Variants in PTPRM observed in about 807,000 individuals in gnomAD.
PTPRM encodes the protein receptor-type tyrosine-protein phosphatase mu.
A neutral mutation model predicts 186.7 loss-of-function variants in PTPRM; 47 were observed. That is an observed-to-expected ratio of 0.25 (90% CI 0.20 to 0.32). The LOEUF is 0.32. PTPRM is among the 10% of genes least tolerant of loss of function. The pLI is 1.00. For missense variants in PTPRM, 1,494 were observed against 1,865.0 expected, an observed-to-expected ratio of 0.80 and a Z score of 3.66; for synonymous variants, 668 against 674.9, an observed-to-expected ratio of 0.99 and a Z score of 0.16.
intron 14 of PTPRM, among the ~76,000 whole-genome samples, chr18:8,221,127 A>G (rs1228460100): frequency 6.6e-6 from 1 of 152,108 alleles, no homozygotes; most frequent in Admixed American, 6.5e-5. Context: ...TTATTTTGCA[A>G]ATATGATTGG....
chr18:8,048,216 A>G (rs539342123), intron 7 of PTPRM, among the ~76,000 whole-genome samples: 43 of 152,202 alleles, frequency 2.8e-4, no homozygotes, highest in Non-Finnish European at 5.7e-4. Context: ...AAATGGAACA[A>G]ATTTGGTAGC....
chr18:8,164,360 AG>A (rs919230596), intron 14 of PTPRM, among the ~76,000 whole-genome samples: 6 of 152,272 alleles, frequency 3.9e-5, no homozygotes, highest in African/African-American at 1.4e-4. Flanking sequence ...TATGTCCAAA[AG>A]AAATGAAAAC....
intron 7 of PTPRM, among the ~76,000 whole-genome samples, chr18:8,011,443 C>T (rs903474120): frequency 1.3e-5 from 2 of 152,148 alleles, no homozygotes; most frequent in Non-Finnish European, 2.9e-5. Context: ...AGGTTTCACT[C>T]TTCATGGTTT....
chr18:7,647,736 T>A (rs1038419896), intron 1 of PTPRM, among the ~76,000 whole-genome samples: 1 of 152,162 alleles, frequency 6.6e-6, no homozygotes, highest in Non-Finnish European at 1.5e-5. Flanking sequence ...GTTGACTTGG[T>A]CATGTAGATC....
chr18:7,768,999 C>G (rs2042148838), intron 1 of PTPRM, among the ~76,000 whole-genome samples: 1 of 151,902 alleles, frequency 6.6e-6, no homozygotes, highest in South Asian at 2.1e-4. Context: ...GCACTGGGCT[C>G]CCACCAAATC....
intron 1 of PTPRM, among the ~76,000 whole-genome samples, chr18:7,643,838 C>G (rs2038500447): frequency 6.6e-6 from 1 of 152,020 alleles, no homozygotes; most frequent in African/African-American, 2.4e-5. Context: ...GACCATTGTG[C>G]TTTTACATAT....
chr18:7,988,144 T>A (rs1259857042), intron 7 of PTPRM, among the ~76,000 whole-genome samples: 1 of 152,088 alleles, frequency 6.6e-6, no homozygotes, highest in Non-Finnish European at 1.5e-5. Context: ...GTGATCATGC[T>A]ACTGCACTCC....
At chr18:7,688,441 G>A (rs4127387) in intron 1 of PTPRM, among the ~76,000 whole-genome samples, 38,422 of 152,084 alleles carry the variant, frequency 0.25, 5,014 homozygotes, top group African/African-American at 0.32. Flanking sequence ...AAGCTGCTCA[G>A]ACATCTGAAG....
chr18:7,660,897 G>A (rs773175286), intron 1 of PTPRM, among the ~76,000 whole-genome samples: 1 of 152,026 alleles, frequency 6.6e-6, no homozygotes, highest in Non-Finnish European at 1.5e-5. Context: ...CTTGAACCTG[G>A]GAGATGGAGG....
At chr18:7,771,525 G>A (rs1047156147) in intron 1 of PTPRM, among the ~76,000 whole-genome samples, 3 of 152,176 alleles carry the variant, frequency 2.0e-5, no homozygotes, top group African/African-American at 7.2e-5. Flanking sequence ...TAAATGACCC[G>A]TTGTTGTCAA....
intron 14 of PTPRM, among the ~76,000 whole-genome samples, chr18:8,144,272 G>A (rs1406074787): frequency 6.6e-6 from 1 of 152,180 alleles, no homozygotes; most frequent in Non-Finnish European, 1.5e-5. Flanking sequence ...AAAACAGCCC[G>A]ACAGAAAAAT....
At chr18:8,189,524 A>G (rs540273507) in intron 14 of PTPRM, among the ~76,000 whole-genome samples, 5 of 152,202 alleles carry the variant, frequency 3.3e-5, no homozygotes, top group Non-Finnish European at 7.3e-5. Flanking sequence ...TTTTATCCTC[A>G]GCCCAAAGCG....
chr18:7,926,383 A>G (rs535016027), intron 4 of PTPRM, among the ~76,000 whole-genome samples, 185 bp from the exon 5 acceptor site: 2 of 152,346 alleles, frequency 1.3e-5, no homozygotes, highest in South Asian at 4.1e-4. Context: ...TACACAACAT[A>G]CTAAAACCTT....
chr18:8,299,677 T>G (rs2095135224), intron 20 of PTPRM, among the ~76,000 whole-genome samples: 1 of 152,232 alleles, frequency 6.6e-6, no homozygotes, highest in Admixed American at 6.5e-5. Context: ...GCAAACTTTT[T>G]TCTGTAAAGG....
chr18:8,228,079 G>A (rs1031826392), intron 14 of PTPRM, among the ~76,000 whole-genome samples: 16 of 152,234 alleles, frequency 1.1e-4, no homozygotes, highest in Non-Finnish European at 1.3e-4. Context: ...GGGGAATGGC[G>A]TTAGGCGCTC....
chr18:8,113,125 TC>T (rs2091828829), intron 11 of PTPRM, among the ~76,000 whole-genome samples: 1 of 152,240 alleles, frequency 6.6e-6, no homozygotes, highest in African/African-American at 2.4e-5. Flanking sequence ...ATTGTATTTA[TC>T]AGGTAAACTG....
intron 7 of PTPRM, among the ~76,000 whole-genome samples, chr18:7,966,727 C>G (rs1436872922): frequency 3.4e-5 from 5 of 145,166 alleles, no homozygotes; most frequent in African/African-American, 9.9e-5. Flanking sequence ...CACTCCCACC[C>G]GAATACTGCG....
intron 1 of PTPRM, among the ~76,000 whole-genome samples, chr18:7,737,079 T>G (rs879783164): frequency 6.7e-6 from 1 of 148,968 alleles, no homozygotes; most frequent in Non-Finnish European, 1.5e-5. Context: ...GCTGGGATTA[T>G]AGGCGTGAGC....
intron 7 of PTPRM, among the ~76,000 whole-genome samples, chr18:7,973,604 G>C (rs969826203): frequency 3.3e-5 from 5 of 151,954 alleles, no homozygotes; most frequent in African/African-American, 1.2e-4. Flanking sequence ...TTTACCATTT[G>C]TCATATGTTT....
Sources: allele counts gnomAD v4.1 joint callset (sites outside exome capture counted in the v4.1 genomes callset), GRCh38; gene constraint gnomAD v4.1.1; transcripts MANE v1.5; gene names NCBI Gene and HGNC (gene_info 2026-07-23, HGNC 2026-07-21).